ARHGEF28: variants seen among roughly 807,000 people sequenced by gnomAD.
ARHGEF28 encodes the protein 190 kDa guanine nucleotide exchange factor.
In ARHGEF28, 152 loss-of-function variants were observed where a neutral mutation model predicts 206.6. That is an observed-to-expected ratio of 0.74 (90% CI 0.64 to 0.84). The LOEUF (loss-of-function observed/expected upper bound fraction) is 0.84, where lower values mean the gene tolerates loss of function less well. Ranked by LOEUF, ARHGEF28 falls within the 40% of genes least tolerant of loss-of-function variation. The probability of loss-of-function intolerance (pLI) is 0.00; values close to 1 mark genes in which losing one functional copy is unlikely to be tolerated. For missense variants in ARHGEF28, 2,028 were observed against 2,073.2 expected (o/e 0.98, Z 0.42); for synonymous variants, 763 against 776.4 (o/e 0.98, Z 0.29).
intron 26 of ARHGEF28, among the ~76,000 whole-genome samples, chr5:73,890,392 A>C (rs923126655): frequency 6.6e-6 from 1 of 152,186 alleles, no homozygotes; most frequent in Non-Finnish European, 1.5e-5. Flanking sequence ...TATAAAGTAC[A>C]TTGCACATTG....
intron 9 of ARHGEF28, among the ~76,000 whole-genome samples, chr5:73,827,583 C>T (rs1579948824): frequency 6.6e-6 from 1 of 152,174 alleles, no homozygotes; most frequent in Non-Finnish European, 1.5e-5. Flanking sequence ...GCCCCAGTCA[C>T]ACAGCTAATA....
intron 9 of ARHGEF28, among the ~76,000 whole-genome samples, chr5:73,815,968 A>G (rs1756180241): frequency 6.6e-6 from 1 of 152,176 alleles, no homozygotes; most frequent in Admixed American, 6.6e-5. Flanking sequence ...AGTTATGAAG[A>G]GCGGGTTTGG....
At chr5:73,792,219 A>G (rs1754522339) in intron 7 of ARHGEF28, among the ~76,000 whole-genome samples, 1 of 152,200 alleles carries the variant, frequency 6.6e-6, no homozygotes, top group Non-Finnish European at 1.5e-5. Context: ...TTTAATGAAG[A>G]CATATATTTT....
In ARHGEF28 at chr5:73,840,687, T is replaced by A. The variant is rs773441994; in HGVS notation, c.1354T>A (p.Cys452Ser). The part of the protein sequence containing the change: ...QQSFMSPSSS[C>S]ASNLNLSFGW... The stretch of plus-strand genomic sequence containing the variant: ...GTCCTTCATGTCACCATCAAGTTCG[T>A]GTGCTTCCAACTTGAATCTTTCTTT... Residue 452 changes from cysteine (C) to serine (S), a missense_variant, in exon 11 of 36, where the codon TGT (cysteine) becomes AGT (serine). Cys to Ser is a moderately radical substitution (Grantham distance 112). This residue lies in a region of ARHGEF28 where 1,002 missense variants were observed against 1,015.3 expected (regional missense o/e 0.99). Coordinates refer to ENST00000513042, the MANE Select transcript of ARHGEF28 (RefSeq NM_001177693.2). 1 of 1,613,024 alleles carries A rather than the reference T, an allele frequency of 6.2e-7. No homozygotes were observed. Among genetic ancestry groups the A allele is most frequent in the Non-Finnish European group, 8.5e-7 (1 of 1,179,474 alleles).
chr5:73,647,402 C>G (rs1247249725), intron 1 of ARHGEF28, among the ~76,000 whole-genome samples: 1 of 152,182 alleles, frequency 6.6e-6, no homozygotes, highest in African/African-American at 2.4e-5. Context: ...AAGGAATACT[C>G]AATCTGTGTT....
intron 7 of ARHGEF28, among the ~76,000 whole-genome samples, chr5:73,787,359 A>C (rs1754226826): frequency 6.6e-6 from 1 of 152,182 alleles, no homozygotes. Context: ...ACGCAGCCCT[A>C]GGAAATGATT....
rs1308237893 is a variant in ARHGEF28, at chr5:73,904,169, AG to A, written c.4075-52del. 1.1e-5 allele frequency: 18 copies of A among 1,587,290 alleles called. No homozygotes were observed. In the East Asian group the frequency reaches 1.6e-4, roughly 14 times the overall value. On this transcript the variant is annotated intron_variant, in intron 31 of 35. Transcript: ENST00000513042. ...CATACATTTTGGGACACTGCAGGGCAGCTTTTCAGAAGTAGAATGGTTATTC... is the reference window on the plus strand; with the variant it reads ...CATACATTTTGGGACACTGCAGGGCACTTTTCAGAAGTAGAATGGTTATTC...
At chr5:73,894,291 G>A (rs1761824231) in intron 28 of ARHGEF28, 102 bp from the exon 29 acceptor site, 2 of 1,209,316 alleles carry the variant, frequency 1.7e-6, no homozygotes, top group African/African-American at 3.0e-5. Context: ...TCTCTTGGAG[G>A]TCTTACTGCT....
chr5:73,728,511 A>C (rs1052382156), intron 2 of ARHGEF28, among the ~76,000 whole-genome samples: 6 of 152,248 alleles, frequency 3.9e-5, no homozygotes, highest in Non-Finnish European at 8.8e-5. Context: ...TAGTACAGCA[A>C]GTAATATAAC....
chr5:73,760,922 C>G (rs1248360334), intron 4 of ARHGEF28, among the ~76,000 whole-genome samples: 1 of 152,182 alleles, frequency 6.6e-6, no homozygotes, highest in African/African-American at 2.4e-5. Context: ...CTACTTTTGT[C>G]TGGCAACAAT....
intron 2 of ARHGEF28, among the ~76,000 whole-genome samples, chr5:73,719,713 A>G (rs1749814681): frequency 6.6e-6 from 1 of 152,232 alleles, no homozygotes; most frequent in Admixed American, 6.5e-5. Context: ...GATGTCAGTG[A>G]TTCATAAATA....
chr5:73,695,462 G>C (rs557666333), intron 2 of ARHGEF28, among the ~76,000 whole-genome samples: 1 of 152,054 alleles, frequency 6.6e-6, no homozygotes, highest in Non-Finnish European at 1.5e-5. Flanking sequence ...CCCAGGCCTC[G>C]TCTTCCATTT....
Position 73,792,501 on chromosome 5 carries a change from A to C in ARHGEF28, c.911-1901A>C, listed in dbSNP as rs149502025. On this transcript the variant is annotated intron_variant, in intron 7 of 35. Coordinates refer to ENST00000513042, the MANE Select transcript of ARHGEF28 (RefSeq NM_001177693.2). ...ATGTACAGAATTCTTTAGGAATGCA[A>C]TATAATGATCATTTAAGAGTTTATG... 1.9e-3 allele frequency among the ~76,000 whole-genome samples: 294 copies of C among 152,340 alleles called. 1 individual carries two copies. Among genetic ancestry groups the C allele is most frequent in the African/African-American group, 6.8e-3 (281 of 41,582 alleles).
intron 9 of ARHGEF28, among the ~76,000 whole-genome samples, chr5:73,802,129 A>G (rs1002187878): frequency 3.3e-5 from 5 of 152,246 alleles, no homozygotes; most frequent in African/African-American, 1.2e-4. Flanking sequence ...CACCAGTGAG[A>G]TCACAGATCT....
chr5:73,737,796 C>A (rs771780912), intron 2 of ARHGEF28, among the ~76,000 whole-genome samples: 1 of 152,140 alleles, frequency 6.6e-6, no homozygotes, highest in African/African-American at 2.4e-5. Flanking sequence ...GGATTACAGG[C>A]GTGAGCCACC....
At chr5:73,934,581 TGACCA>T (rs1764312801) in intron 35 of ARHGEF28, among the ~76,000 whole-genome samples, 1 of 152,240 alleles carries the variant, frequency 6.6e-6, no homozygotes, top group African/African-American at 2.4e-5. Context: ...TCTGGCATCT[TGACCA>T]TTTATTGTCT....
At chr5:73,676,498 C>T (rs1311174370) in intron 1 of ARHGEF28, among the ~76,000 whole-genome samples, 1 of 152,146 alleles carries the variant, frequency 6.6e-6, no homozygotes, top group East Asian at 1.9e-4. Flanking sequence ...CTCAGACTCC[C>T]AAAGTACTGG....
intron 2 of ARHGEF28, among the ~76,000 whole-genome samples, chr5:73,717,590 T>A (rs1561354205): frequency 1.3e-5 from 2 of 152,192 alleles, no homozygotes; most frequent in Non-Finnish European, 2.9e-5. Context: ...TGTGTTTTTA[T>A]TTGTTACTGA....
intron 9 of ARHGEF28, among the ~76,000 whole-genome samples, chr5:73,804,082 C>CAAAAAAAAAA (rs35722039): frequency 1.6e-4 from 10 of 64,306 alleles, no homozygotes; most frequent in African/African-American, 6.2e-4. Context: ...GAGACCCTGT[C>CAAAAAAAAAA]AAAAAAAAAA....
Sources: gnomAD v4.1 joint callset for allele counts (sites outside exome capture counted in the v4.1 genomes callset) on GRCh38, gnomAD v4.1.1 for gene constraint, gnomAD v4.1.1 regional missense constraint, MANE v1.5 for transcripts, NCBI Gene and HGNC (gene_info 2026-07-23, HGNC 2026-07-21) for gene names.